SLC25A12: variants seen among roughly 807,000 people sequenced by gnomAD.
The protein encoded by SLC25A12 is solute carrier family 25 member 12, also known as electrogenic aspartate/glutamate antiporter SLC25A12, mitochondrial.
In SLC25A12, 32 loss-of-function variants were observed where a neutral mutation model predicts 83.3. That is an observed-to-expected ratio of 0.38 (90% CI 0.29 to 0.52). SLC25A12 has a LOEUF of 0.52. SLC25A12 is among the 20% of genes least tolerant of loss of function. The probability of loss-of-function intolerance (pLI) is 0.84; values close to 1 mark genes in which losing one functional copy is unlikely to be tolerated. For synonymous variants in SLC25A12, 267 were observed against 291.1 expected (o/e 0.92, Z 0.84); for missense variants, 611 against 835.6 (o/e 0.73, Z 3.31).
intron 3 of SLC25A12, among the ~76,000 whole-genome samples, chr2:171,864,598 C>T (rs1685243836): frequency 6.6e-6 from 1 of 152,186 alleles, no homozygotes; most frequent in African/African-American, 2.4e-5. Context: ...CTAATGTGAG[C>T]ACATGCGCAC....
At chr2:171,791,891 T>C (rs1246100445) in intron 14 of SLC25A12, among the ~76,000 whole-genome samples, 1 of 152,196 alleles carries the variant, frequency 6.6e-6, no homozygotes, top group Non-Finnish European at 1.5e-5. Flanking sequence ...GCATTTCTTA[T>C]ATAGATTCAG....
At chr2:171,833,268 C>T (rs1052388144) in intron 8 of SLC25A12, among the ~76,000 whole-genome samples, 21 of 152,132 alleles carry the variant, frequency 1.4e-4, no homozygotes, top group Admixed American at 4.6e-4. Flanking sequence ...GAAGTAGTTA[C>T]AGAAGAAAGA....
At chr2:171,889,997 G>A (rs1685897927) in intron 2 of SLC25A12, among the ~76,000 whole-genome samples, 1 of 152,208 alleles carries the variant, frequency 6.6e-6, no homozygotes, top group South Asian at 2.1e-4. Flanking sequence ...GATGTAAGAA[G>A]CCAATCTGAT....
intron 2 of SLC25A12, among the ~76,000 whole-genome samples, chr2:171,876,859 A>G (rs1378212675): frequency 5.9e-5 from 9 of 152,212 alleles, no homozygotes; most frequent in Non-Finnish European, 7.3e-5. Flanking sequence ...GATATCTCTT[A>G]AGCAGTTGTA....
At chr2:171,869,465 G>C (rs1196241248) in intron 2 of SLC25A12, among the ~76,000 whole-genome samples, 16 of 152,118 alleles carry the variant, frequency 1.1e-4, no homozygotes, top group Non-Finnish European at 1.5e-5. Context: ...GAGCACCAGG[G>C]AGACACGTAA....
intron 2 of SLC25A12, among the ~76,000 whole-genome samples, chr2:171,874,732 A>G (rs905450173): frequency 2.0e-5 from 3 of 152,202 alleles, no homozygotes; most frequent in African/African-American, 7.2e-5. Flanking sequence ...CTTTGCAACA[A>G]TGTGGATGCA....
intron 4 of SLC25A12, among the ~76,000 whole-genome samples, chr2:171,847,082 T>A (rs1684812748): frequency 6.6e-6 from 1 of 152,198 alleles, no homozygotes; most frequent in Admixed American, 6.5e-5. Flanking sequence ...CAGCTTTATA[T>A]ATGGTTTTGT....
intron 5 of SLC25A12, among the ~76,000 whole-genome samples, chr2:171,843,340 A>G (rs1447968317): frequency 1.3e-5 from 2 of 152,152 alleles, no homozygotes; most frequent in African/African-American, 2.4e-5. Context: ...AACTCTAAGA[A>G]CAATAACTTT....
At chr2:171,795,316 C>G (rs899822977) in intron 13 of SLC25A12, among the ~76,000 whole-genome samples, 19 of 152,188 alleles carry the variant, frequency 1.2e-4, no homozygotes, top group African/African-American at 3.6e-4. Context: ...ATTTGCCTGC[C>G]TTTCTCTCTC....
intron 8 of SLC25A12, among the ~76,000 whole-genome samples, chr2:171,827,605 G>A (rs892336088): frequency 1.8e-4 from 28 of 152,182 alleles, no homozygotes; most frequent in African/African-American, 6.5e-4. Context: ...TTAAACCCCG[G>A]AAGATTTGCA....
At chr2:171,886,445 C>T (rs1386911248) in intron 2 of SLC25A12, among the ~76,000 whole-genome samples, 1 of 137,662 alleles carries the variant, frequency 7.3e-6, no homozygotes, top group Non-Finnish European at 1.5e-5. Flanking sequence ...GTTGCCTAGG[C>T]TGTTTTTTTT....
intron 14 of SLC25A12, among the ~76,000 whole-genome samples, chr2:171,792,244 C>A (rs553658371): frequency 1.8e-4 from 28 of 152,034 alleles, no homozygotes; most frequent in South Asian, 1.2e-3. Flanking sequence ...GGCAAACACT[C>A]CACCTTGGCG....
At chr2:171,844,675 C>A (rs757498780) in intron 4 of SLC25A12, among the ~76,000 whole-genome samples, 167 bp from the exon 5 acceptor site, 5 of 152,140 alleles carry the variant, frequency 3.3e-5, no homozygotes, top group Non-Finnish European at 5.9e-5. Context: ...TGCGCAGGAA[C>A]ACAACTGATA....
At chr2:171,866,858 C>T (rs1458058047) in intron 3 of SLC25A12, among the ~76,000 whole-genome samples, 5 of 149,300 alleles carry the variant, frequency 3.3e-5, no homozygotes, top group African/African-American at 9.9e-5. Flanking sequence ...CGGGCGGAGA[C>T]GCTCCTCACT....
intron 4 of SLC25A12, among the ~76,000 whole-genome samples, chr2:171,854,197 A>C (rs1684996060): frequency 6.6e-6 from 1 of 152,254 alleles, no homozygotes; most frequent in Non-Finnish European, 1.5e-5. Flanking sequence ...GAAAGTCAAC[A>C]TTCTTCAGGA....
chr2:171,837,223 G>A lies in SLC25A12; in HGVS notation c.510C>T (p.Asp170=). The A allele has an allele frequency of 6.2e-7, 1 of 1,614,038 alleles. No homozygotes were observed. Among genetic ancestry groups the A allele is most frequent in the South Asian group, 1.1e-5 (1 of 91,080 alleles). Residue 170 remains aspartate, a synonymous_variant, in exon 6 of 18, where the codon GAC becomes GAT. Coordinates refer to ENST00000422440, the MANE Select transcript of SLC25A12 (RefSeq NM_003705.5). ...CAGAAATCATGCCACTTTTGCTTTT[G>A]TCTTTGAGTGCAAAGGCTTGTCTTG... ...EHARQAFALK[D]KSKSGMISGL...
chr2:171,833,885 G>T, intron 8 of SLC25A12, 78 bp downstream of exon 8: 4 of 846,714 alleles, frequency 4.7e-6, no homozygotes, highest in East Asian at 2.5e-5. Context: ...ATGTTAGAAT[G>T]AACTAAAAGG....
chr2:171,837,091 AG>A, intron 6 of SLC25A12, 29 bp downstream of exon 6: 3 of 1,612,068 alleles, frequency 1.9e-6, no homozygotes, highest in Non-Finnish European at 2.5e-6. Context: ...TTGAGGAAAT[AG>A]AAAGTTAAAG....
intron 4 of SLC25A12, among the ~76,000 whole-genome samples, chr2:171,849,198 TA>T (rs1684860153): frequency 6.6e-6 from 1 of 151,270 alleles, no homozygotes; most frequent in African/African-American, 2.5e-5. Context: ...TCAAAATTAA[TA>T]AATAAATACA....
Sources: gnomAD v4.1 joint callset for allele counts (sites outside exome capture counted in the v4.1 genomes callset) on GRCh38, gnomAD v4.1.1 for gene constraint, MANE v1.5 for transcripts, NCBI Gene and HGNC (gene_info 2026-07-23, HGNC 2026-07-21) for gene names.